NCOA1: variants seen among roughly 807,000 people sequenced by gnomAD.
NCOA1 encodes the protein Hin-2 protein.
Under a neutral mutation model 150.9 loss-of-function variants are expected in NCOA1, and 35 were observed. The observed-to-expected ratio is 0.23, with a 90% CI of 0.18 to 0.31. The LOEUF is 0.31. NCOA1 is among the 10% of genes least tolerant of loss of function. The pLI, the probability that NCOA1 is intolerant of heterozygous loss-of-function variation, is 1.00. For missense variants in NCOA1, 1,491 were observed against 1,749.3 expected, an observed-to-expected ratio of 0.85 and a Z score of 2.63; for synonymous variants, 590 against 630.0, an observed-to-expected ratio of 0.94 and a Z score of 0.95.
In NCOA1 at chr2:24,639,756, TG is replaced by T. The variant is rs1404312728; in HGVS notation, c.-174-4207del. 2.0e-5 allele frequency among the ~76,000 whole-genome samples: 3 copies of T among 151,088 alleles called. No homozygotes were observed. The South Asian group carries it at 6.3e-4, about 31-fold the overall frequency. ...ACAAAAAATTAGCTGGGCATGGTGG[TG>T]GGCATCTGTAATCTCAGCTACTCAG... On this transcript the variant is annotated intron_variant, in intron 3 of 22. Transcript: ENST00000348332.
chr2:24,765,766 A>C (rs558402730), intron 22 of NCOA1, among the ~76,000 whole-genome samples: 36 of 152,292 alleles, frequency 2.4e-4, no homozygotes, highest in Middle Eastern at 6.8e-3. Context: ...CACTTTGCCT[A>C]TCTGAGAAGT....
At chr2:24,555,000 A>G (rs1291653701) in intron 1 of NCOA1, among the ~76,000 whole-genome samples, 2 of 152,100 alleles carry the variant, frequency 1.3e-5, no homozygotes, top group African/African-American at 2.4e-5. Flanking sequence ...ATCTCACACC[A>G]GGAAAATTTA....
At chr2:24,725,662 TAGAA>T (rs1674577490) in intron 14 of NCOA1, among the ~76,000 whole-genome samples, 1 of 151,750 alleles carries the variant, frequency 6.6e-6, no homozygotes, top group South Asian at 2.1e-4. Flanking sequence ...ATAACCATCA[TAGAA>T]AGAAAAGCAG....
chr2:24,599,725 CTTTTTT>C (rs33950079), intron 3 of NCOA1, among the ~76,000 whole-genome samples: 1 of 108,498 alleles, frequency 9.2e-6, no homozygotes, highest in African/African-American at 3.2e-5. Flanking sequence ...TATGATTGAT[CTTTTTT>C]TTTTTTTTTT....
chr2:24,561,930 G>A (rs1666309369), intron 1 of NCOA1, among the ~76,000 whole-genome samples: 1 of 152,106 alleles, frequency 6.6e-6, no homozygotes, highest in South Asian at 2.1e-4. Context: ...GGGATGATGA[G>A]AATACCTTAA....
intron 3 of NCOA1, among the ~76,000 whole-genome samples, chr2:24,587,122 G>A (rs1667446997): frequency 6.6e-6 from 1 of 151,388 alleles, no homozygotes; most frequent in Non-Finnish European, 1.5e-5. Context: ...AAAAGAAACT[G>A]GGAACTCCCC....
At chr2:24,524,502 C>G (rs937873136) in intron 1 of NCOA1, among the ~76,000 whole-genome samples, 1 of 151,966 alleles carries the variant, frequency 6.6e-6, no homozygotes, top group Non-Finnish European at 1.5e-5. Flanking sequence ...ACTCTGTTGC[C>G]CACACTGGTC....
chr2:24,536,983 A>C (rs1343724891), intron 1 of NCOA1, among the ~76,000 whole-genome samples: 2 of 152,168 alleles, frequency 1.3e-5, no homozygotes, highest in Non-Finnish European at 1.5e-5. Context: ...GGAGGTTGGG[A>C]GAGGGGGCAA....
chr2:24,751,249 A>G (rs1664222291), intron 19 of NCOA1, among the ~76,000 whole-genome samples: 1 of 146,506 alleles, frequency 6.8e-6, no homozygotes, highest in South Asian at 2.4e-4. Flanking sequence ...TACAGGCGTG[A>G]GCCACAGCAC....
chr2:24,618,745 GT>G (rs60329176), intron 3 of NCOA1, among the ~76,000 whole-genome samples: 2 of 148,730 alleles, frequency 1.3e-5, no homozygotes, highest in Non-Finnish European at 3.0e-5. Context: ...CAGTTCATTG[GT>G]TTTTTTTTTG....
At chr2:24,594,520 C>T (rs1289402905) in intron 3 of NCOA1, among the ~76,000 whole-genome samples, 1 of 152,026 alleles carries the variant, frequency 6.6e-6, no homozygotes, top group Non-Finnish European at 1.5e-5. Context: ...CAAGAGAAAT[C>T]CTAGGAGAAA....
rs148426754 is a variant in NCOA1 at position 24,729,548 on chromosome 2, A to C, written c.2934A>C (p.Ala978=). Residue 978 remains alanine, a synonymous_variant, in exon 17 of 23, where the codon GCA becomes GCC. Transcript: ENST00000348332. ...VLSERFPPQQ[A]TPPLIMEERP... ...CAGAGAGATTTCCACCACAACAAGC[A>C]ACGCCACCTTTGATCATGGAAGAAA... 32 of 1,614,052 alleles carry C rather than the reference A, an allele frequency of 2.0e-5. No individual in the cohort carries two copies. Among genetic ancestry groups the C allele is most frequent in the Non-Finnish European group, 2.5e-5 (29 of 1,180,012 alleles).
In NCOA1 at chr2:24,504,096, C is replaced by CTATTTATTGTACTTGT. The variant is rs377712044; in HGVS notation, c.-396+12495_-396+12496insATTTATTGTACTTGTT. Among the ~76,000 whole-genome samples the CTATTTATTGTACTTGT allele has an allele frequency of 6.2e-3, 946 of 152,234 alleles. 13 individuals carry two copies. Among genetic ancestry groups the CTATTTATTGTACTTGT allele is most frequent in the African/African-American group, 0.021 (867 of 41,544 alleles). On this transcript the variant is annotated intron_variant, in intron 1 of 22. Coordinates refer to ENST00000348332, the MANE Select transcript of NCOA1 (RefSeq NM_003743.5). ...GATTGTAAATTATAGTAGATGGAGACTTGTACCACAGTGCTTTCATAATGC... is the reference window on the plus strand; with the variant it reads ...GATTGTAAATTATAGTAGATGGAGACTATTTATTGTACTTGTTTGTACCACAGTGCTTTCATAATGC...
At chr2:24,644,553 AATTT>A (rs1330082619) in intron 4 of NCOA1, among the ~76,000 whole-genome samples, 7 of 152,112 alleles carry the variant, frequency 4.6e-5, no homozygotes, top group Admixed American at 1.3e-4. Context: ...ATACCTATGT[AATTT>A]ATGTGTATGT....
Position 24,501,926 on chromosome 2 carries a change from A to G in NCOA1, c.-396+10324A>G, listed in dbSNP as rs1306121697. ...TACCCTCTTGCCAAGTTTGATGGAT[A>G]TATCTGATGTCATTACTCAAGCCCA... is the stretch of plus-strand genomic sequence containing the variant. On this transcript the variant is annotated intron_variant, in intron 1 of 22. Coordinates refer to ENST00000348332, the MANE Select transcript of NCOA1 (RefSeq NM_003743.5). Among the ~76,000 whole-genome samples, 6 of 152,154 alleles carry G rather than the reference A, an allele frequency of 3.9e-5. 1 individual carries two copies. Among genetic ancestry groups the G allele is most frequent in the African/African-American group, 2.4e-5 (1 of 41,412 alleles).
chr2:24,570,832 A>T (rs1377936850), intron 2 of NCOA1, among the ~76,000 whole-genome samples: 1 of 152,250 alleles, frequency 6.6e-6, no homozygotes, highest in Non-Finnish European at 1.5e-5. Context: ...ACTCTTAGAG[A>T]CATATGTCTT....
chr2:24,740,988 C>T (rs1037521998), intron 18 of NCOA1, among the ~76,000 whole-genome samples: 5 of 152,040 alleles, frequency 3.3e-5, no homozygotes, highest in African/African-American at 1.2e-4. Flanking sequence ...TAACTGAAAC[C>T]ACTTACACTA....
At chr2:24,534,077 T>C (rs1249280853) in intron 1 of NCOA1, among the ~76,000 whole-genome samples, 5 of 127,116 alleles carry the variant, frequency 3.9e-5, no homozygotes, top group Non-Finnish European at 8.9e-5. Flanking sequence ...GGTCCTGGAC[T>C]TTTTTTTGGT....
At chr2:24,584,084 G>A (rs1300956182) in intron 2 of NCOA1, among the ~76,000 whole-genome samples, 7 of 152,050 alleles carry the variant, frequency 4.6e-5, no homozygotes, top group Admixed American at 3.9e-4. Flanking sequence ...TGTTTAAGGT[G>A]ATTGATATGC....
Sources: allele counts gnomAD v4.1 joint callset (sites outside exome capture counted in the v4.1 genomes callset), GRCh38; gene constraint gnomAD v4.1.1; transcripts MANE v1.5; gene names NCBI Gene and HGNC (gene_info 2026-07-23, HGNC 2026-07-21).